Variants in MMP2 observed in about 807,000 individuals in gnomAD.
The protein encoded by MMP2 is matrix metallopeptidase 2.
MMP2 carries 39 observed loss-of-function variants against 74.8 expected under a neutral mutation model. The observed-to-expected ratio is 0.52, with a 90% confidence interval of 0.40 to 0.68. The LOEUF is 0.68. Among genes scored for constraint, MMP2 ranks in the 30% least tolerant of loss-of-function variants. MMP2 has a pLI of 0.00. For synonymous variants in MMP2, 367 were observed against 339.8 expected (o/e 1.08, Z -0.88); for missense variants, 803 against 878.3 (o/e 0.91, Z 1.08).
chr16:55,491,757 T>A (rs766367450), intron 7 of MMP2, 44 bp from the exon 8 acceptor site: 90 of 1,611,376 alleles, frequency 5.6e-5, no homozygotes, highest in Non-Finnish European at 7.4e-5. Flanking sequence ...CTCTCTCATC[T>A]CTCTTCCTGT....
intron 11 of MMP2, among the ~76,000 whole-genome samples, chr16:55,499,397 C>T (rs751199587): frequency 2.0e-5 from 3 of 152,016 alleles, no homozygotes; most frequent in Non-Finnish European, 4.4e-5. Context: ...ATGGGTGCAC[C>T]AGTCATCCAT....
Position 55,484,005 on chromosome 16 carries a change from A to G in MMP2, c.381-11A>G. On this transcript the variant is annotated splice_polypyrimidine_tract_variant and intron_variant, in intron 2 of 12. Transcript: ENST00000219070. The stretch of plus-strand genomic sequence containing the variant: ...TGCATACACACTCACATGCAGTTCT[A>G]CCACCTCCAGGATCATTGGCTACAC... 1 of 1,614,004 alleles carries G rather than the reference A, an allele frequency of 6.2e-7. No homozygotes were observed. The highest frequency in any genetic ancestry group is 8.5e-7 in the Non-Finnish European group (1 of 1,179,904).
chr16:55,490,322 G>A (rs962985703), intron 7 of MMP2, among the ~76,000 whole-genome samples: 1 of 152,172 alleles, frequency 6.6e-6, no homozygotes, highest in Non-Finnish European at 1.5e-5. Flanking sequence ...GGTCCACGCA[G>A]CCCTGGGGGA....
At chr16:55,489,024 A>G (rs1229619225) in intron 6 of MMP2, among the ~76,000 whole-genome samples, 1 of 151,774 alleles carries the variant, frequency 6.6e-6, no homozygotes, top group Non-Finnish European at 1.5e-5. Flanking sequence ...TCTGGCAGAG[A>G]CTTCTCTCTC....
At chr16:55,497,331 T>C (rs552420864) in intron 10 of MMP2, among the ~76,000 whole-genome samples, 3 of 32,272 alleles carry the variant, frequency 9.3e-5, no homozygotes, top group African/African-American at 4.7e-4. Context: ...TCTCATTTCT[T>C]TTCTAGAAGA....
intron 1 of MMP2, among the ~76,000 whole-genome samples, chr16:55,480,238 A>C (rs1296022874): frequency 6.6e-6 from 1 of 152,098 alleles, no homozygotes; most frequent in African/African-American, 2.4e-5. Flanking sequence ...ACCTTTAAAC[A>C]AACAGCTCGA....
intron 9 of MMP2, among the ~76,000 whole-genome samples, chr16:55,494,340 G>A (rs1962485100): frequency 6.6e-6 from 1 of 152,214 alleles, no homozygotes; most frequent in Non-Finnish European, 1.5e-5. Flanking sequence ...TCCTAGGGCT[G>A]TTGTAAGGAT....
intron 6 of MMP2, among the ~76,000 whole-genome samples, chr16:55,489,322 G>A (rs150620377): frequency 1.3e-5 from 2 of 152,306 alleles, no homozygotes; most frequent in East Asian, 3.9e-4. Flanking sequence ...TTTGCCCCTA[G>A]CCCATCTGCC....
chr16:55,483,856 A>G lies in MMP2; in HGVS notation c.381-160A>G, dbSNP rs532900343. ...CAGGCACATGCTCACATATACATAC[A>G]CATACCTGTGCACCCTTCCCGTGCT... is the stretch of plus-strand genomic sequence containing the variant. On this transcript the variant is annotated intron_variant, in intron 2 of 12. Coordinates refer to ENST00000219070, the MANE Select transcript of MMP2 (RefSeq NM_004530.6). Among the ~76,000 whole-genome samples the G allele has an allele frequency of 2.0e-5, 3 of 152,252 alleles. No individual in the cohort carries two copies. The East Asian group carries it at 5.8e-4, about 29-fold the overall frequency.
Position 55,500,494 on chromosome 16 carries a change from TACACACACACACAC to T in MMP2, c.1769+2078_1769+2091del, listed in dbSNP as rs55996787. ...ACATGATTGTGTGCGCATGTGCGCA[TACACACACACACAC>T]ACACACACACACACACACACACACA... is the stretch of plus-strand genomic sequence containing the variant. On this transcript the variant is annotated intron_variant, in intron 11 of 12. Transcript: ENST00000219070. Among the ~76,000 whole-genome samples the T allele has an allele frequency of 1.8e-4, 24 of 136,274 alleles. 1 individual carries two copies. Among genetic ancestry groups the T allele is most frequent in the East Asian group, 7.1e-4 (3 of 4,216 alleles). 89.4% of individuals were successfully genotyped at this position (136,274 alleles called of 152,430 possible). A position where few individuals can be genotyped will look rare whatever the true frequency, so the allele number is the denominator to read the frequency against.
intron 10 of MMP2, among the ~76,000 whole-genome samples, chr16:55,497,663 A>T (rs1962563208): frequency 6.6e-6 from 1 of 152,230 alleles, no homozygotes; most frequent in Non-Finnish European, 1.5e-5. Flanking sequence ...GAAGTGGTAG[A>T]AATCATCAAG....
At chr16:55,497,758 C>G (rs1216063454) in intron 10 of MMP2, among the ~76,000 whole-genome samples, 1 of 152,190 alleles carries the variant, frequency 6.6e-6, no homozygotes, top group Non-Finnish European at 1.5e-5. Context: ...CCTGGGGATA[C>G]AAGCTCTGCC....
chr16:55,493,144 GGT>G lies in MMP2; in HGVS notation c.1337-11_1337-10del. ...TGGAGCTGCAGAGAGTCTAAGGTCA[GGT>G]GTTCTCCCCAGGGGCCTCTCCTGAC... On this transcript the variant is annotated splice_polypyrimidine_tract_variant and intron_variant, in intron 8 of 12. Transcript: ENST00000219070. 1 of 1,613,156 alleles carries G rather than the reference GGT, an allele frequency of 6.2e-7. No individual in the cohort carries two copies. Among genetic ancestry groups the G allele is most frequent in the Non-Finnish European group, 8.5e-7 (1 of 1,179,968 alleles).
intron 11 of MMP2, among the ~76,000 whole-genome samples, chr16:55,500,807 G>T (rs189317260): frequency 2.8e-4 from 43 of 152,314 alleles, no homozygotes; most frequent in African/African-American, 9.9e-4. Context: ...GTCTGCAGAG[G>T]CCCCAGAGGC....
At position 55,483,090 on chromosome 16, in the gene MMP2, TC is replaced by T; in HGVS notation, c.336del (p.Phe113SerfsTer42). The T allele has an allele frequency of 6.2e-7, 1 of 1,613,962 alleles. No homozygotes were observed. Among genetic ancestry groups the T allele is most frequent in the Non-Finnish European group, 8.5e-7 (1 of 1,179,962 alleles). ...CGNPDVANYN[F>X]FPRKPKWDKN... ...AACCCAGATGTGGCCAACTACAACT[TC>T]TTCCCTCGCAAGCCCAAGTGGGACA... On this transcript the variant is annotated frameshift_variant, in exon 2 of 13. Transcript: ENST00000219070. LOFTEE classifies it high-confidence loss of function.
chr16:55,479,556 A>ACGC lies in MMP2; in HGVS notation c.87_89dup (p.Ala30dup). 2.5e-6 allele frequency: 4 copies of ACGC among 1,612,672 alleles called. No homozygotes were observed. Among genetic ancestry groups the ACGC allele is most frequent in the Non-Finnish European group, 3.4e-6 (4 of 1,179,780 alleles). On this transcript the variant is annotated inframe_insertion, in exon 1 of 13. Transcript: ENST00000219070. ...TGTCTCCTGGGCTGCCTGCTGAGCC[A>ACGC]CGCCGCCGCCGCGCCGTCGCCCATC...
At position 55,484,172 on chromosome 16, in the gene MMP2, G is replaced by A. The variant is rs1271616251; in HGVS notation, c.529+8G>A. 1 of 1,613,726 alleles carries A rather than the reference G, an allele frequency of 6.2e-7. No homozygotes were observed. Among genetic ancestry groups the A allele is most frequent in the Non-Finnish European group, 8.5e-7 (1 of 1,179,922 alleles). On this transcript the variant is annotated splice_region_variant and intron_variant, in intron 3 of 12. Coordinates refer to ENST00000219070, the MANE Select transcript of MMP2 (RefSeq NM_004530.6). ...TCAACTTTGGCCGCTGGGGTAGGCAGAAGATGGGGCAGAAGAGGGGCCAGC... is the reference window on the plus strand; with the variant it reads ...TCAACTTTGGCCGCTGGGGTAGGCAAAAGATGGGGCAGAAGAGGGGCCAGC...
At position 55,501,801 on chromosome 16, in the gene MMP2, T is replaced by G. The variant is rs1454699321; in HGVS notation, c.1770-978T>G. Among the ~76,000 whole-genome samples, 4 of 152,106 alleles carry G rather than the reference T, an allele frequency of 2.6e-5. No homozygotes were observed. In the East Asian group the frequency reaches 7.7e-4, roughly 29 times the overall value. ...GAGGCACTGTGGAGCAAAAGGTGGC[T>G]GCTACCAGGATGGGATGCGAACACA... On this transcript the variant is annotated intron_variant, in intron 11 of 12. Transcript: ENST00000219070.
chr16:55,497,169 C>A (rs1233971307), intron 10 of MMP2, 107 bp downstream of exon 10: 28 of 1,435,128 alleles, frequency 2.0e-5, no homozygotes, highest in Non-Finnish European at 2.7e-5. Flanking sequence ...TTCCTATGCA[C>A]CCGTGGGTGC....
Sources: gnomAD v4.1 joint callset for allele counts (sites outside exome capture counted in the v4.1 genomes callset) on GRCh38, gnomAD v4.1.1 for gene constraint, MANE v1.5 for transcripts, NCBI Gene and HGNC (gene_info 2026-07-23, HGNC 2026-07-21) for gene names.